The following MCC variants were observed in gnomAD, a reference collection of about 807,000 sequenced individuals.
MCC encodes colorectal mutant cancer protein.
In MCC, 90 loss-of-function variants were observed where a neutral mutation model predicts 116.2. The observed-to-expected ratio is 0.77, with a 90% CI of 0.65 to 0.92. The LOEUF is 0.92. Among genes scored for constraint, MCC ranks in the 40% least tolerant of loss-of-function variants. The pLI is 0.00. For missense variants in MCC, 1,516 were observed against 1,312.2 expected, an observed-to-expected ratio of 1.16 and a Z score of -2.40; for synonymous variants, 578 against 510.5, an observed-to-expected ratio of 1.13 and a Z score of -1.78.
intron 3 of MCC, among the ~76,000 whole-genome samples, chr5:113,279,344 G>C (rs1265484811): frequency 1.3e-5 from 2 of 152,088 alleles, no homozygotes; most frequent in Admixed American, 6.5e-5. Context: ...ATATTACAGT[G>C]TCGTATTGTG....
rs1420032897 is a variant in MCC, at chr5:113,026,188, T to C, written c.*1114A>G. 6.6e-6 allele frequency: 1 copy of C among 152,266 alleles called. No individual in the cohort carries two copies. The highest frequency in any genetic ancestry group is 1.5e-5 in the Non-Finnish European group (1 of 68,060). 9.4% of individuals were successfully genotyped at this position (152,266 alleles called of 1,614,324 possible). On this transcript the variant is annotated 3_prime_UTR_variant, in exon 19 of 19. Coordinates refer to ENST00000408903, the MANE Select transcript of MCC (RefSeq NM_001085377.2). ...ACCATATGCTAACCATCACCATGTATCTGGGGGCAAAAAAGAAGCCTTAAC... is the reference window on the plus strand; with the variant it reads ...ACCATATGCTAACCATCACCATGTACCTGGGGGCAAAAAAGAAGCCTTAAC...
At chr5:113,175,019 C>T (rs1761261285) in intron 3 of MCC, among the ~76,000 whole-genome samples, 1 of 152,002 alleles carries the variant, frequency 6.6e-6, no homozygotes, top group Non-Finnish European at 1.5e-5. Flanking sequence ...GAAGAATAAA[C>T]ACCAAATTGT....
chr5:113,365,423 A>T (rs1561539381), intron 2 of MCC, among the ~76,000 whole-genome samples: 1 of 152,170 alleles, frequency 6.6e-6, no homozygotes, highest in Non-Finnish European at 1.5e-5. Flanking sequence ...ATTACCCTGG[A>T]CTTGATTATC....
intron 3 of MCC, among the ~76,000 whole-genome samples, chr5:113,306,071 T>C (rs1265643711): frequency 4.6e-5 from 7 of 152,238 alleles, no homozygotes; most frequent in Non-Finnish European, 8.8e-5. Context: ...CCATGTTGTA[T>C]ATGTATTAAT....
chr5:113,488,351 T>TGCCGCTGCCGCTGCC lies in MCC; in HGVS notation c.63_64insGGCAGCGGCAGCGGC (p.Gly21_Ser22insGlySerGlySerGly), dbSNP rs531679771. On this transcript the variant is annotated inframe_insertion, in exon 1 of 19. Transcript: ENST00000408903. ...TCGCTGCTGCTGCTGCTGCTGCCGC[T>TGCCGCTGCCGCTGCC]GCCGCCGCCGCCGCCGCCGCTGCTG... 25 of 1,455,602 alleles carry TGCCGCTGCCGCTGCC rather than the reference T, an allele frequency of 1.7e-5. No homozygotes were observed. The highest frequency in any genetic ancestry group is 9.5e-5 in the South Asian group (7 of 73,704). The allele number at this position is 1,455,602 out of a possible 1,614,324, so 90.2% of individuals were successfully genotyped here.
At chr5:113,033,271 G>C (rs1313748166) in intron 17 of MCC, among the ~76,000 whole-genome samples, 4 of 152,212 alleles carry the variant, frequency 2.6e-5, no homozygotes, top group Non-Finnish European at 4.4e-5. Context: ...GCAAGCTTGA[G>C]GGACTGGCGT....
At chr5:113,415,914 C>T (rs900550108) in intron 1 of MCC, among the ~76,000 whole-genome samples, 2 of 152,116 alleles carry the variant, frequency 1.3e-5, no homozygotes, top group Non-Finnish European at 2.9e-5. Flanking sequence ...GTTTTATCTA[C>T]CTTTGGTCTT....
At chr5:113,090,426 C>A (rs1376969958) in intron 8 of MCC, among the ~76,000 whole-genome samples, 2 of 151,308 alleles carry the variant, frequency 1.3e-5, no homozygotes, top group African/African-American at 4.8e-5. Context: ...AGACAGTAGA[C>A]TGAAGAACAC....
At chr5:113,227,952 C>G (rs954752167) in intron 3 of MCC, among the ~76,000 whole-genome samples, 1 of 152,198 alleles carries the variant, frequency 6.6e-6, no homozygotes, top group Non-Finnish European at 1.5e-5. Context: ...TTCTAGTTAA[C>G]GGCTGGTCTA....
At chr5:113,043,119 A>C (rs12719156) in intron 17 of MCC, among the ~76,000 whole-genome samples, 138,857 of 152,164 alleles carry the variant, frequency 0.91, 64,004 homozygotes, top group South Asian at 0.98. Flanking sequence ...AATAGAGGAA[A>C]ATTTCCCAGA....
intron 3 of MCC, among the ~76,000 whole-genome samples, chr5:113,314,890 C>G (rs1246299360): frequency 3.9e-5 from 6 of 152,152 alleles, no homozygotes. Context: ...ACCCAGCCTC[C>G]ATTGGGTCAT....
In MCC at chr5:113,101,902, G is replaced by T. The variant is rs1756442964; in HGVS notation, c.1235C>A (p.Pro412His). Residue 412 changes from proline to histidine, a missense_variant, in exon 8 of 19, where the codon CCC becomes CAC. Physicochemically the swap from Pro to His is moderately conservative, Grantham distance 77. Transcript: ENST00000408903. Reference sequence around the variant, plus strand: ...CCGAGACCTCTCTTCAGCCAGGTTGGGATACAGGTCCCGGCCAAGCACCCC... The same window carrying T: ...CCGAGACCTCTCTTCAGCCAGGTTGTGATACAGGTCCCGGCCAAGCACCCC... ...IEGVLGRDLYPNLAEERSRWE... is the reference protein window; with the variant it reads ...IEGVLGRDLYHNLAEERSRWE... The T allele has an allele frequency of 6.2e-7, 1 of 1,613,914 alleles. No individual in the cohort carries two copies.
At chr5:113,293,745 C>T (rs1010926548) in intron 3 of MCC, among the ~76,000 whole-genome samples, 4 of 152,186 alleles carry the variant, frequency 2.6e-5, no homozygotes, top group Non-Finnish European at 5.9e-5. Context: ...GAGTCCAGAT[C>T]CGGGCAGGAA....
In MCC at chr5:113,242,768, T is replaced by C. The variant is rs1712703295; in HGVS notation, c.628-91346A>G. On this transcript the variant is annotated intron_variant, in intron 3 of 18. Transcript: ENST00000408903. ...AGAGAAATGTGCTTCCCATCTCGGGTACTTCAGAGAGCCATTCCCTTCCAT... is the reference window on the plus strand; with the variant it reads ...AGAGAAATGTGCTTCCCATCTCGGGCACTTCAGAGAGCCATTCCCTTCCAT... Among the ~76,000 whole-genome samples the C allele has an allele frequency of 2.6e-5, 4 of 152,098 alleles. No individual in the cohort carries two copies. The South Asian group carries it at 8.4e-4, about 32-fold the overall frequency.
intron 17 of MCC, among the ~76,000 whole-genome samples, chr5:113,042,226 T>G (rs928233149): frequency 2.0e-5 from 3 of 150,512 alleles, no homozygotes; most frequent in Non-Finnish European, 3.0e-5. Flanking sequence ...AATCCCAACA[T>G]TTTGGGAGGC....
chr5:113,413,111 G>A (rs529918882), intron 1 of MCC, among the ~76,000 whole-genome samples: 6 of 152,278 alleles, frequency 3.9e-5, no homozygotes, highest in Non-Finnish European at 7.4e-5. Context: ...TTGCATCCCA[G>A]GGATGAAGCC....
intron 2 of MCC, among the ~76,000 whole-genome samples, chr5:113,344,608 G>A (rs1343662677): frequency 6.6e-6 from 1 of 151,888 alleles, no homozygotes; most frequent in African/African-American, 2.4e-5. Context: ...AGCCATAACA[G>A]GACAGGGCAC....
At position 113,053,973 on chromosome 5, in the gene MCC, A is replaced by G; in HGVS notation, c.2214-14T>C. 1 of 1,589,316 alleles carries G rather than the reference A, an allele frequency of 6.3e-7. No individual in the cohort carries two copies. Among genetic ancestry groups the G allele is most frequent in the South Asian group, 1.1e-5 (1 of 90,546 alleles). ...GAGCTGGTTGTGCTGAGAAAGAAGA[A>G]AAACAAAGACCCACCACCCTGTGTT... On this transcript the variant is annotated splice_polypyrimidine_tract_variant and intron_variant, in intron 14 of 18. Coordinates refer to ENST00000408903, the MANE Select transcript of MCC (RefSeq NM_001085377.2).
intron 3 of MCC, among the ~76,000 whole-genome samples, chr5:113,178,490 G>C (rs565303061): frequency 1.3e-5 from 2 of 152,062 alleles, no homozygotes; most frequent in Non-Finnish European, 2.9e-5. Flanking sequence ...ATTGGGAAGG[G>C]TTAGCCAGAG....
Sources: gnomAD v4.1 joint callset for allele counts (sites outside exome capture counted in the v4.1 genomes callset) on GRCh38, gnomAD v4.1.1 for gene constraint, MANE v1.5 for transcripts, NCBI Gene and HGNC (gene_info 2026-07-23, HGNC 2026-07-21) for gene names.